CPA5: variants seen among roughly 807,000 people sequenced by gnomAD.
CPA5 encodes carboxypeptidase A5.
Under a neutral mutation model 52.2 loss-of-function variants are expected in CPA5, and 38 were observed. The observed-to-expected ratio is 0.73, with a 90% CI of 0.56 to 0.95. The LOEUF is 0.95. Ranked by LOEUF, CPA5 falls within the 40% of genes least tolerant of loss-of-function variation. The pLI is 0.00. For synonymous variants in CPA5, 198 were observed against 213.7 expected, an observed-to-expected ratio of 0.93 and a Z score of 0.64; for missense variants, 519 against 566.7, an observed-to-expected ratio of 0.92 and a Z score of 0.86.
chr7:130,372,915 T>C (rs1796308095), downstream of CPA5, among the ~76,000 whole-genome samples: 1 of 152,138 alleles, frequency 6.6e-6, no homozygotes, highest in Admixed American at 6.5e-5. Context: ...TATCCAGATG[T>C]TTTAGCCCAA....
chr7:130,373,452 G>A (rs1796313063), downstream of CPA5, among the ~76,000 whole-genome samples: 1 of 152,208 alleles, frequency 6.6e-6, no homozygotes, highest in Non-Finnish European at 1.5e-5. Context: ...GAACCACAGC[G>A]AATGTGCTGC....
At chr7:130,365,703 TAATGGCCTA>T (rs1253826089) in intron 10 of CPA5, among the ~76,000 whole-genome samples, 9 of 152,240 alleles carry the variant, frequency 5.9e-5, no homozygotes. Context: ...AAACCAGAAC[TAATGGCCTA>T]AAGTGTTTCT....
At chr7:130,352,949 A>T (rs929250333) in intron 5 of CPA5, among the ~76,000 whole-genome samples, 2 of 151,852 alleles carry the variant, frequency 1.3e-5, no homozygotes, top group African/African-American at 4.8e-5. Flanking sequence ...ATTAATAAAT[A>T]TTCATGTTAG....
chr7:130,353,296 C>A (rs554335320), intron 5 of CPA5, among the ~76,000 whole-genome samples: 1 of 152,116 alleles, frequency 6.6e-6, no homozygotes, highest in Non-Finnish European at 1.5e-5. Flanking sequence ...CAATGTCACA[C>A]GCAACTTCCA....
At chr7:130,370,139 G>C (rs1263879912), downstream of CPA5, among the ~76,000 whole-genome samples, 1 of 152,260 alleles carries the variant, frequency 6.6e-6, no homozygotes, top group Non-Finnish European at 1.5e-5. Context: ...TGTGCAGCCA[G>C]TGGTCATGGT....
At chr7:130,372,124 C>T (rs1396594598), downstream of CPA5, among the ~76,000 whole-genome samples, 1 of 152,230 alleles carries the variant, frequency 6.6e-6, no homozygotes, top group Non-Finnish European at 1.5e-5. Context: ...CTATTATTCT[C>T]TTTTCCAGAA....
downstream of CPA5, among the ~76,000 whole-genome samples, chr7:130,370,271 G>T (rs1451599870): frequency 3.3e-5 from 5 of 152,186 alleles, no homozygotes; most frequent in African/African-American, 1.2e-4. Flanking sequence ...TCATCTTCAG[G>T]GGAACAGCCA....
At chr7:130,368,133 G>A in intron 12 of CPA5, 143 bp downstream of exon 12, 1 of 830,306 alleles carries the variant, frequency 1.2e-6, no homozygotes. Flanking sequence ...CCAGGGAGCT[G>A]TTTCTTGGCA....
downstream of CPA5, chr7:130,368,855 C>A: frequency 2.1e-6 from 1 of 480,484 alleles, no homozygotes. Context: ...TCCAGTCTAC[C>A]TTCAGGAAAA....
At position 130,363,435 on chromosome 7, in the gene CPA5, A is replaced by G. The variant is rs1554407369; in HGVS notation, c.764A>G (p.Lys255Arg). 6.4e-7 allele frequency: 1 copy of G among 1,574,092 alleles called. No homozygotes were observed. The highest frequency in any genetic ancestry group is 1.2e-5 in the South Asian group (1 of 85,674). The change falls in exon 10 of 13, where the codon AAG becomes AGG. Residue 255 changes from lysine to arginine, a missense_variant. Coordinates refer to ENST00000474905, the MANE Select transcript of CPA5 (RefSeq NM_080385.5). The part of the protein sequence containing the change: ...FTHSMNRLWR[K>R]NKSIRPGIFC... Reference sequence around the variant, plus strand: ...CTTTCCCAGAACCGCTTATGGCGGAAGAACAAGTCCATCAGACCTGGAATC... The same window carrying G: ...CTTTCCCAGAACCGCTTATGGCGGAGGAACAAGTCCATCAGACCTGGAATC...
At chr7:130,347,147 C>T (rs1404616753) in intron 3 of CPA5, among the ~76,000 whole-genome samples, 3 of 152,218 alleles carry the variant, frequency 2.0e-5, no homozygotes, top group African/African-American at 4.8e-5. Context: ...TCCTCACCCA[C>T]GGTCTCAGAG....
intron 5 of CPA5, among the ~76,000 whole-genome samples, chr7:130,355,756 C>T (rs782421608): frequency 6.6e-5 from 10 of 152,180 alleles, no homozygotes; most frequent in Non-Finnish European, 1.2e-4. Context: ...GATAACATGA[C>T]CTCCATTTTA....
rs1430382836 is a variant in CPA5, at chr7:130,368,523, A to G, written c.1237A>G (p.Ile413Val). ...TGGCTTCCTGCTGCCGGCCACACAG[A>G]TCATCCCCACGGCCCAGGAGACGTG... ...QYGFLLPATQ[I>V]IPTAQETWMA... Residue 413 changes from isoleucine to valine, a missense_variant, in exon 13 of 13, where the codon ATC (isoleucine) becomes GTC (valine). Physicochemically the swap from Ile to Val is conservative, Grantham distance 29 (BLOSUM62 3). Transcript: ENST00000474905. 1.1e-5 allele frequency: 18 copies of G among 1,613,928 alleles called. No individual in the cohort carries two copies. In the Admixed American group the frequency reaches 3.0e-4, roughly 27 times the overall value.
At chr7:130,347,114 C>T (rs1554402439) in intron 3 of CPA5, among the ~76,000 whole-genome samples, 2 of 152,196 alleles carry the variant, frequency 1.3e-5, no homozygotes, top group African/African-American at 4.8e-5. Flanking sequence ...GAAGAGGAGA[C>T]ACAGCGAGCG....
rs139498366 is a variant in CPA5, at chr7:130,359,640, C to G, written c.385C>G (p.Arg129Gly). 6.3e-7 allele frequency: 1 copy of G among 1,584,582 alleles called. No homozygotes were observed. The highest frequency in any genetic ancestry group is 1.8e-5 in the Admixed American group (1 of 55,142). The change falls in exon 6 of 13, where the codon CGC becomes GGC. Residue 129 changes from arginine (R) to glycine (G), a missense_variant. Transcript: ENST00000474905. ...CATGGCGAAATCCCGCCGGCTGGAG[C>G]GCAGCACCAACAGCTTCAGTTACTC... ...QAMAKSRRLE[R>G]STNSFSYSSY...
At chr7:130,360,962 T>G (rs1562956789) in intron 6 of CPA5, among the ~76,000 whole-genome samples, 181 bp from the exon 7 acceptor site, 1 of 152,352 alleles carries the variant, frequency 6.6e-6, no homozygotes, top group East Asian at 1.9e-4. Flanking sequence ...TCACTTCCTT[T>G]AGCTCTGAGG....
intron 5 of CPA5, among the ~76,000 whole-genome samples, chr7:130,357,638 AG>A (rs1554405542): frequency 1.3e-5 from 2 of 151,824 alleles, no homozygotes; most frequent in South Asian, 2.1e-4. Context: ...AAAAAAAAAA[AG>A]TTCTTATTGA....
intron 11 of CPA5, 35 bp from the exon 12 acceptor site, chr7:130,367,871 C>CCCCT (rs1554408976): frequency 6.3e-7 from 1 of 1,582,610 alleles, no homozygotes. Flanking sequence ...CCCCGGGGAG[C>CCCCT]CCCTGCCTTT....
chr7:130,362,874 T>C lies in CPA5; in HGVS notation c.637-10T>C, dbSNP rs1554407158. The C allele has an allele frequency of 2.5e-6, 4 of 1,592,712 alleles. No homozygotes were observed. Among genetic ancestry groups the C allele is most frequent in the Non-Finnish European group, 3.4e-6 (4 of 1,161,412 alleles). ...TAGGGCCTCCCATCCCTCCTCACTC[T>C]TTCTTGCAGATTGTCAGTGATTATG... On this transcript the variant is annotated splice_polypyrimidine_tract_variant and intron_variant, in intron 8 of 12. Transcript: ENST00000474905.
Sources: gnomAD v4.1 joint callset for allele counts (sites outside exome capture counted in the v4.1 genomes callset) on GRCh38, gnomAD v4.1.1 for gene constraint, MANE v1.5 for transcripts, NCBI Gene and HGNC (gene_info 2026-07-23, HGNC 2026-07-21) for gene names.